The following STPG4 variants were observed in gnomAD, a reference collection of about 807,000 sequenced individuals.
STPG4 encodes protein STPG4.
Under a neutral mutation model 31.5 loss-of-function variants are expected in STPG4, and 41 were observed. That is an observed-to-expected ratio of 1.30 (90% confidence interval 1.01 to 1.69). The LOEUF (loss-of-function observed/expected upper bound fraction) is 1.69, where lower values mean the gene tolerates loss of function less well. Ranked by LOEUF, STPG4 falls within the 40% of genes most tolerant of loss-of-function variation. The pLI, the probability that STPG4 is intolerant of heterozygous loss-of-function variation, is 0.00. For missense variants in STPG4, 375 were observed against 293.4 expected, an observed-to-expected ratio of 1.28 and a Z score of -2.03; for synonymous variants, 141 against 103.0, an observed-to-expected ratio of 1.37 and a Z score of -2.24.
At chr2:47,130,616 A>C (rs1686460012) in intron 3 of STPG4, among the ~76,000 whole-genome samples, 1 of 152,126 alleles carries the variant, frequency 6.6e-6, no homozygotes, top group Non-Finnish European at 1.5e-5. Flanking sequence ...CCCCAGTTCA[A>C]GCAATTCTCT....
At chr2:47,087,321 T>A (rs113148547) in intron 6 of STPG4, among the ~76,000 whole-genome samples, 191 bp from the exon 7 acceptor site, 149 of 152,280 alleles carry the variant, frequency 9.8e-4, no homozygotes, top group African/African-American at 3.6e-3. Flanking sequence ...GCTGCTCCTG[T>A]TAGGGGCTCA....
chr2:47,147,092 T>TTGTGCCACTGTAC (rs1395666965), intron 3 of STPG4, among the ~76,000 whole-genome samples: 1 of 152,098 alleles, frequency 6.6e-6, no homozygotes, highest in Non-Finnish European at 1.5e-5. Flanking sequence ...TGAGCTATGA[T>TTGTGCCACTGTAC]TGTGCCACTG....
chr2:47,088,081 GT>G (rs1407001048), intron 6 of STPG4, among the ~76,000 whole-genome samples: 2 of 151,810 alleles, frequency 1.3e-5, no homozygotes, highest in African/African-American at 4.8e-5. Context: ...TTGTTTGTTT[GT>G]TTTTGGTTTT....
intron 5 of STPG4, among the ~76,000 whole-genome samples, chr2:47,112,431 A>G (rs1477848803): frequency 6.6e-6 from 1 of 151,530 alleles, no homozygotes; most frequent in African/African-American, 2.4e-5. Flanking sequence ...TCGGCCTCCC[A>G]AAGTGCTGGA....
chr2:47,102,403 T>G (rs1214248150), intron 5 of STPG4, among the ~76,000 whole-genome samples: 1 of 151,900 alleles, frequency 6.6e-6, no homozygotes, highest in Non-Finnish European at 1.5e-5. Context: ...CATTATTTTC[T>G]GCACTACGGC....
At chr2:47,101,252 C>T (rs942595314) in intron 5 of STPG4, among the ~76,000 whole-genome samples, 4 of 151,792 alleles carry the variant, frequency 2.6e-5, no homozygotes, top group Non-Finnish European at 5.9e-5. Context: ...CAACCCCCGA[C>T]TCTTCAGAGT....
intron 3 of STPG4, among the ~76,000 whole-genome samples, chr2:47,142,889 G>C (rs1686744005): frequency 7.6e-6 from 1 of 131,450 alleles, no homozygotes; most frequent in Non-Finnish European, 1.5e-5. Flanking sequence ...TGTTGCGCAG[G>C]CTGGAGTGCA....
chr2:47,099,973 G>A (rs1017523312), intron 5 of STPG4, among the ~76,000 whole-genome samples: 3 of 152,150 alleles, frequency 2.0e-5, no homozygotes, highest in African/African-American at 7.2e-5. Flanking sequence ...TTCCCAAGGG[G>A]CAGGGCTCGG....
At chr2:47,103,823 G>A (rs527858346) in intron 5 of STPG4, among the ~76,000 whole-genome samples, 12 of 151,910 alleles carry the variant, frequency 7.9e-5, no homozygotes, top group South Asian at 2.1e-4. Flanking sequence ...ACTGAGCCCC[G>A]GGTATGTTTA....
rs1686450193 is a variant in STPG4, at chr2:47,130,252, C to G, written c.408G>C (p.Gln136His). The change falls in exon 4 of 7, where the codon CAG becomes CAC. Residue 136 changes from glutamine (Q) to histidine (H), a missense_variant. Transcript: ENST00000445927. ...GCACGTTGTATTGCCCCGGAGAAAG[C>G]TGAAGTGACTGCACAGAATGGACAA... ...STLVDKDQSL[Q>H]LSPGQYNVLP... 6.2e-7 allele frequency: 1 copy of G among 1,613,804 alleles called. No individual in the cohort carries two copies. Among genetic ancestry groups the G allele is most frequent in the South Asian group, 1.1e-5 (1 of 91,054 alleles).
At chr2:47,145,927 T>C (rs1686811385) in intron 3 of STPG4, among the ~76,000 whole-genome samples, 1 of 152,192 alleles carries the variant, frequency 6.6e-6, no homozygotes, top group African/African-American at 2.4e-5. Context: ...TAAATTTAAA[T>C]GGGGCTCATT....
Position 47,087,112 on chromosome 2 carries a change from C to T in STPG4, c.643G>A (p.Ala215Thr), listed in dbSNP as rs766789509. Residue 215 changes from alanine (A) to threonine (T), a missense_variant, in exon 7 of 7, where the codon GCA (alanine) becomes ACA (threonine). Physicochemically the swap from Ala to Thr is moderately conservative, Grantham distance 58. Coordinates refer to ENST00000445927, the MANE Select transcript of STPG4 (RefSeq NM_001163561.2). ...PSCSKTPGPG[A>T]YTTLRQFPKQ... ...GGGAATTGTCTTAAAGTTGTATATGCTCCTGGGCCTGGGGTTTTCTGAAAA... is the reference window on the plus strand; with the variant it reads ...GGGAATTGTCTTAAAGTTGTATATGTTCCTGGGCCTGGGGTTTTCTGAAAA... 9.7e-6 allele frequency: 15 copies of T among 1,551,684 alleles called. No individual in the cohort carries two copies. In the South Asian group the frequency reaches 1.4e-4, roughly 15 times the overall value.
chr2:47,126,757 T>C (rs1477701238), intron 5 of STPG4, among the ~76,000 whole-genome samples: 1 of 152,234 alleles, frequency 6.6e-6, no homozygotes, highest in African/African-American at 2.4e-5. Context: ...GTATTTATCC[T>C]TCACATTTTA....
At chr2:47,139,817 T>C (rs1291032251) in intron 3 of STPG4, among the ~76,000 whole-genome samples, 1 of 152,118 alleles carries the variant, frequency 6.6e-6, no homozygotes, top group East Asian at 1.9e-4. Flanking sequence ...ATAGTATATC[T>C]TTCTCCACCC....
At chr2:47,103,725 G>T (rs1053311286) in intron 5 of STPG4, among the ~76,000 whole-genome samples, 1 of 152,128 alleles carries the variant, frequency 6.6e-6, no homozygotes, top group Non-Finnish European at 1.5e-5. Flanking sequence ...GAGGATGAAG[G>T]TTCCCTGGGT....
chr2:47,098,545 A>G (rs1487096416), intron 5 of STPG4, among the ~76,000 whole-genome samples: 2 of 152,200 alleles, frequency 1.3e-5, no homozygotes, highest in African/African-American at 4.8e-5. Context: ...GTCTAGAAAG[A>G]GCACACAATC....
intron 5 of STPG4, among the ~76,000 whole-genome samples, chr2:47,126,707 G>T (rs1489481254): frequency 2.0e-5 from 3 of 152,152 alleles, no homozygotes; most frequent in African/African-American, 7.2e-5. Flanking sequence ...TGTAGGACAG[G>T]TCTGGTGTTG....
At chr2:47,113,526 A>G (rs1202446417) in intron 5 of STPG4, among the ~76,000 whole-genome samples, 1 of 152,216 alleles carries the variant, frequency 6.6e-6, no homozygotes, top group African/African-American at 2.4e-5. Flanking sequence ...GTTAAAAAAC[A>G]TATTAAAACA....
chr2:47,121,045 C>T (rs573503209), intron 5 of STPG4: 1 of 153,474 alleles, frequency 6.5e-6, no homozygotes, highest in Admixed American at 6.5e-5. Flanking sequence ...AGCGTAAATC[C>T]TTGCAGAGGA....
Sources: gnomAD v4.1 joint callset for allele counts (sites outside exome capture counted in the v4.1 genomes callset) on GRCh38, gnomAD v4.1.1 for gene constraint, MANE v1.5 for transcripts, NCBI Gene and HGNC (gene_info 2026-07-23, HGNC 2026-07-21) for gene names.